Variants in UBAP2 observed in about 807,000 individuals in gnomAD.
UBAP2 encodes ubiquitin-associated protein 2.
UBAP2 carries 75 observed loss-of-function variants against 139.6 expected under a neutral mutation model. The ratio of observed to expected loss-of-function variants is 0.54; its 90% CI spans 0.45 to 0.65. The LOEUF (loss-of-function observed/expected upper bound fraction) is 0.65. Ranked by LOEUF, UBAP2 falls within the 30% of genes least tolerant of loss-of-function variation. The probability of loss-of-function intolerance (pLI) is 0.00; values close to 1 mark genes in which losing one functional copy is unlikely to be tolerated. For missense variants in UBAP2, 1,368 were observed against 1,369.6 expected, an observed-to-expected ratio of 1.00 and a Z score of 0.02; for synonymous variants, 526 against 526.2, an observed-to-expected ratio of 1.00 and a Z score of 0.01.
rs750038677 is a variant in UBAP2, at chr9:33,971,679, A to T, written c.651T>A (p.Ala217=). 6 of 1,612,042 alleles carry T rather than the reference A, an allele frequency of 3.7e-6. No homozygotes were observed. Among genetic ancestry groups the T allele is most frequent in the Non-Finnish European group, 5.1e-6 (6 of 1,178,036 alleles). ...TTCCCTCATCTGCACCATTCTGAGC[A>T]GCTTCCCAAACTACTAGCTTTGTCC... ...VCGTKLVVWE[A]AQNGADEGTE... Residue 217 remains alanine (A), a synonymous_variant, in exon 8 of 29, where the codon GCT becomes GCA. Transcript: ENST00000379238.
intron 4 of UBAP2, among the ~76,000 whole-genome samples, chr9:33,992,667 GGC>G: frequency 7.6e-6 from 1 of 132,288 alleles, no homozygotes; most frequent in African/African-American, 2.7e-5. Context: ...GAGGGGGGGG[GGC>G]ACAAATAGGG....
intron 1 of UBAP2, among the ~76,000 whole-genome samples, chr9:34,028,926 G>A (rs749399297): frequency 2.0e-4 from 30 of 152,024 alleles, no homozygotes; most frequent in African/African-American, 3.4e-4. Context: ...AAACCTGGGC[G>A]GCGTGGCAAG....
intron 12 of UBAP2, chr9:33,948,909 G>A: frequency 4.3e-6 from 1 of 235,148 alleles, no homozygotes; most frequent in Non-Finnish European, 8.5e-6. Flanking sequence ...CAACACTTTG[G>A]GAGGCCAAGG....
In UBAP2 at chr9:34,042,843, C is replaced by T. The variant is rs1221383835; in HGVS notation, c.-42+5982G>A. ...CTGTAATCTCAGCACTTTAGTAGGC[C>T]AAGGCAGGAGGATCACTTTAGCCTA... is the stretch of plus-strand genomic sequence containing the variant. On this transcript the variant is annotated intron_variant, in intron 1 of 28. Coordinates refer to ENST00000379238, the MANE Select transcript of UBAP2 (RefSeq NM_001370062.2). Among the ~76,000 whole-genome samples the T allele has an allele frequency of 2.0e-5, 3 of 151,374 alleles. No homozygotes were observed. The East Asian group carries it at 5.8e-4, about 30-fold the overall frequency.
At chr9:33,963,940 T>G (rs537148991) in intron 8 of UBAP2, 149 bp from the exon 9 acceptor site, 1 of 607,532 alleles carries the variant, frequency 1.6e-6, no homozygotes, top group South Asian at 2.0e-5. Flanking sequence ...CTCTTACAGG[T>G]CACTGCAAAT....
intron 16 of UBAP2, among the ~76,000 whole-genome samples, chr9:33,938,321 G>GT (rs1348249884): frequency 6.6e-6 from 1 of 151,994 alleles, no homozygotes; most frequent in African/African-American, 2.4e-5. Flanking sequence ...TAGAGACAGA[G>GT]TTTTTTGTCA....
intron 1 of UBAP2, among the ~76,000 whole-genome samples, chr9:34,041,957 G>C (rs1157590974): frequency 1.3e-5 from 2 of 151,716 alleles, no homozygotes; most frequent in Non-Finnish European, 2.9e-5. Context: ...CCCGGGAGGT[G>C]AATGTTGCAG....
At chr9:34,027,744 C>T (rs553758258) in intron 1 of UBAP2, among the ~76,000 whole-genome samples, 46 of 151,492 alleles carry the variant, frequency 3.0e-4, no homozygotes, top group African/African-American at 1.0e-3. Context: ...ACCTGTAGCC[C>T]CAGCTACTCA....
intron 16 of UBAP2, among the ~76,000 whole-genome samples, chr9:33,937,599 CAAAAAAAA>C (rs1185167927): frequency 1.2e-5 from 1 of 85,510 alleles, no homozygotes. Context: ...GACTCTGTCT[CAAAAAAAA>C]AAAAAAAAAA....
intron 12 of UBAP2, among the ~76,000 whole-genome samples, chr9:33,951,127 C>T (rs1324409464): frequency 6.6e-6 from 1 of 152,032 alleles, no homozygotes; most frequent in African/African-American, 2.4e-5. Flanking sequence ...CCATGCCAGC[C>T]TCTCAAGTAG....
At chr9:34,010,119 T>C (rs1195999995) in intron 2 of UBAP2, among the ~76,000 whole-genome samples, 1 of 29,816 alleles carries the variant, frequency 3.4e-5, no homozygotes, top group African/African-American at 9.7e-5. Flanking sequence ...AGGTCCTGTC[T>C]ATTAAAAAAA....
chr9:33,963,837 G>T, intron 8 of UBAP2, 46 bp from the exon 9 acceptor site: 1 of 1,416,802 alleles, frequency 7.1e-7, no homozygotes, highest in Non-Finnish European at 1.0e-6. Flanking sequence ...TGAAAAGAAT[G>T]AAAGTATTCA....
At chr9:33,938,711 G>A (rs902652398) in intron 16 of UBAP2, among the ~76,000 whole-genome samples, 1 of 150,420 alleles carries the variant, frequency 6.6e-6, no homozygotes, top group Non-Finnish European at 1.5e-5. Context: ...CAGGAGAATC[G>A]CTTGAACCCG....
intron 16 of UBAP2, among the ~76,000 whole-genome samples, chr9:33,938,575 T>A (rs1824800250): frequency 6.6e-6 from 1 of 152,118 alleles, no homozygotes; most frequent in African/African-American, 2.4e-5. Context: ...GGCAGGCAGA[T>A]CACCTGAGGT....
chr9:34,030,128 C>A (rs1175653293), intron 1 of UBAP2, among the ~76,000 whole-genome samples: 1 of 151,526 alleles, frequency 6.6e-6, no homozygotes, highest in Non-Finnish European at 1.5e-5. Context: ...TAGAGAGAAC[C>A]CGTCTCTATA....
intron 1 of UBAP2, among the ~76,000 whole-genome samples, chr9:34,039,118 G>A (rs1292643475): frequency 6.6e-6 from 1 of 150,608 alleles, no homozygotes; most frequent in Non-Finnish European, 1.5e-5. Context: ...GAGCGTCTCC[G>A]CCCGGCAGCC....
At chr9:34,044,529 T>G (rs575842814) in intron 1 of UBAP2, among the ~76,000 whole-genome samples, 7 of 151,940 alleles carry the variant, frequency 4.6e-5, no homozygotes, top group African/African-American at 1.7e-4. Context: ...ACCACAGCAC[T>G]CCAGCCTGGG....
At chr9:33,945,658 A>T (rs1425714603) in intron 13 of UBAP2, among the ~76,000 whole-genome samples, 1 of 152,126 alleles carries the variant, frequency 6.6e-6, no homozygotes, top group Admixed American at 6.5e-5. Flanking sequence ...ATATATATAG[A>T]CAGACAGACA....
chr9:34,010,931 CTT>C (rs1204298080), intron 2 of UBAP2, among the ~76,000 whole-genome samples: 1 of 152,036 alleles, frequency 6.6e-6, no homozygotes, highest in African/African-American at 2.4e-5. Flanking sequence ...TGGCTGAAAT[CTT>C]TGTGGAAAAA....
Sources: allele counts gnomAD v4.1 joint callset (sites outside exome capture counted in the v4.1 genomes callset), GRCh38; gene constraint gnomAD v4.1.1; transcripts MANE v1.5; gene names NCBI Gene and HGNC (gene_info 2026-07-23, HGNC 2026-07-21).